The following SELENOH variants were observed in gnomAD, a reference collection of about 807,000 sequenced individuals.
The protein encoded by SELENOH is chromosome 11 open reading frame 31.
A neutral mutation model predicts 11.9 loss-of-function variants in SELENOH; 13 were observed. That is an observed-to-expected ratio of 1.09 (90% CI 0.71 to 1.74). SELENOH has a LOEUF of 1.74. Ranked by LOEUF, SELENOH falls within the 40% of genes most tolerant of loss-of-function variation. The pLI, the probability that SELENOH is intolerant of heterozygous loss-of-function variation, is 0.00. For synonymous variants in SELENOH, 96 were observed against 73.5 expected (o/e 1.31, Z -1.56); for missense variants, 223 against 170.3 (o/e 1.31, Z -1.72).
chr11:57,742,563 G>T lies in SELENOH; in HGVS notation c.*31-300G>T, dbSNP rs369985320. The T allele has an allele frequency of 3.1e-5, 10 of 318,128 alleles. No homozygotes were observed. In the East Asian group the frequency reaches 6.1e-4, roughly 19 times the overall value. The allele number at this position is 318,128 out of a possible 1,614,324, so 19.7% of individuals were successfully genotyped here. On this transcript the variant is annotated intron_variant, in intron 3 of 3. Coordinates refer to ENST00000534355, the MANE Select transcript of SELENOH (RefSeq NM_170746.4). ...GTTTATTTCATGTTACTTCATTTAT[G>T]CTTATCCCTACCCTCTTCTGTTTGG...
Position 57,741,521 on chromosome 11 carries a change from A to T in SELENOH, c.-75A>T. The T allele has an allele frequency of 8.4e-7, 1 of 1,184,844 alleles. No homozygotes were observed. Among genetic ancestry groups the T allele is most frequent in the Non-Finnish European group, 1.1e-6 (1 of 939,862 alleles). 73.4% of individuals were successfully genotyped at this position (1,184,844 alleles called of 1,614,324 possible). A position where few individuals can be genotyped will look rare whatever the true frequency, so the allele number is the denominator to read the frequency against. On this transcript the variant is annotated 5_prime_UTR_variant, in exon 1 of 4. Transcript: ENST00000534355. Reference sequence around the variant, plus strand: ...TTCCGGGCTGCGCTCTTCGTTGCCCAGTTTCCGCTCAGTGGTCGCGTCTCC... The same window carrying T: ...TTCCGGGCTGCGCTCTTCGTTGCCCTGTTTCCGCTCAGTGGTCGCGTCTCC...
rs745825356 is a variant in SELENOH, at chr11:57,742,163, C to G, written c.315C>G (p.Leu105=). The G allele has an allele frequency of 1.2e-6, 2 of 1,612,298 alleles. No individual in the cohort carries two copies. Among genetic ancestry groups the G allele is most frequent in the Non-Finnish European group, 1.7e-6 (2 of 1,179,260 alleles). ...TGIKKGPPRK[L]KFPEPQEVVE... ...TTAAGAAGGGGCCCCCACGCAAACT[C>G]AAATTCCCTGAGCCTCAAGAGGTGG... The change falls in exon 3 of 4, where the codon CTC becomes CTG. Residue 105 remains leucine, a synonymous_variant. Transcript: ENST00000534355.
intron 3 of SELENOH, 126 bp downstream of exon 3, chr11:57,742,373 G>A: frequency 1.5e-6 from 1 of 680,820 alleles, no homozygotes; most frequent in Non-Finnish European, 2.5e-6. Flanking sequence ...CTGGGAGGTC[G>A]AGGCAGGAGT....
Position 57,741,790 on chromosome 11 carries a change from C to T in SELENOH, c.123-19C>T, listed in dbSNP as rs764203025. ...GGGGGCCAGGGGCCCCGGTTTCTAA[C>T]CTCTCCGTCTCTCCCTAGCACTAGC... On this transcript the variant is annotated intron_variant, in intron 1 of 3. Coordinates refer to ENST00000534355, the MANE Select transcript of SELENOH (RefSeq NM_170746.4). 14 of 1,603,618 alleles carry T rather than the reference C, an allele frequency of 8.7e-6. No individual in the cohort carries two copies. Among genetic ancestry groups the T allele is most frequent in the East Asian group, 2.2e-5 (1 of 44,490 alleles).
Position 57,741,770 on chromosome 11 carries a change from C to G in SELENOH, c.123-39C>G, listed in dbSNP as rs550979949. 4.9e-5 allele frequency: 78 copies of G among 1,599,428 alleles called. No homozygotes were observed. In the South Asian group the frequency reaches 6.1e-4, roughly 12 times the overall value. ...GAGGGAACAGTGGCGCCGGGGGGGG[C>G]CAGGGGCCCCGGTTTCTAACCTCTC... On this transcript the variant is annotated intron_variant, in intron 1 of 3. Coordinates refer to ENST00000534355, the MANE Select transcript of SELENOH (RefSeq NM_170746.4).
At chr11:57,741,982 A>C in intron 2 of SELENOH, 28 bp downstream of exon 2, 1 of 1,579,100 alleles carries the variant, frequency 6.3e-7, no homozygotes, top group Non-Finnish European at 8.6e-7. Context: ...TGTGGGGGAG[A>C]GGGACGTGGG....
At position 57,742,155 on chromosome 11, in the gene SELENOH, C is replaced by T. The variant is rs753722142; in HGVS notation, c.307C>T (p.Arg103Cys). The T allele has an allele frequency of 3.1e-6, 5 of 1,612,182 alleles. No homozygotes were observed. Among genetic ancestry groups the T allele is most frequent in the East Asian group, 2.2e-5 (1 of 44,848 alleles). ...GACTGGGATTAAGAAGGGGCCCCCA[C>T]GCAAACTCAAATTCCCTGAGCCTCA... ...LWTGIKKGPP[R>C]KLKFPEPQEV... Residue 103 changes from arginine to cysteine, a missense_variant, in exon 3 of 4, where the codon CGC becomes TGC. Transcript: ENST00000534355.
chr11:57,741,882 C>A lies in SELENOH; in HGVS notation c.196C>A (p.Pro66Thr). 1 of 1,596,704 alleles carries A rather than the reference C, an allele frequency of 6.3e-7. No individual in the cohort carries two copies. The highest frequency in any genetic ancestry group is 2.2e-5 in the East Asian group (1 of 44,652). ...GCTGCGCCTGGAGGCCCCAGAGCTTCCAGTAAAGGTGAACCCGACGAAGCC... is the reference window on the plus strand; with the variant it reads ...GCTGCGCCTGGAGGCCCCAGAGCTTACAGTAAAGGTGAACCCGACGAAGCC... Reference protein sequence around the residue: ...QALRLEAPELPVKVNPTKPRR... With the variant: ...QALRLEAPELTVKVNPTKPRR... The change falls in exon 2 of 4, where the codon CCA becomes ACA. Residue 66 changes from proline (P) to threonine (T), a missense_variant. Coordinates refer to ENST00000534355, the MANE Select transcript of SELENOH (RefSeq NM_170746.4).
Position 57,742,518 on chromosome 11 carries a change from G to A in SELENOH, c.*30+271G>A, listed in dbSNP as rs537907372. The A allele has an allele frequency of 1.9e-5, 7 of 377,666 alleles. No homozygotes were observed. In the South Asian group the frequency reaches 2.3e-4, roughly 12 times the overall value. The allele number at this position is 377,666 out of a possible 1,614,324, so 23.4% of individuals were successfully genotyped here. On this transcript the variant is annotated intron_variant, in intron 3 of 3. Transcript: ENST00000534355. ...GTAGTTGACTTGCCCTGGGGGTATG[G>A]ACAAGTTTTCCATTTGGAAGTTTAT...
At chr11:57,742,491 C>T (rs991363993) in intron 3 of SELENOH, 1 of 439,274 alleles carries the variant, frequency 2.3e-6, no homozygotes, top group African/African-American at 2.0e-5. Context: ...CTTTGGGAGA[C>T]TGTAGTTGAC....
In SELENOH at chr11:57,741,946, A is replaced by G. The variant is rs780122357; in HGVS notation, c.260A>G (p.Asp87Gly). 1 of 1,587,580 alleles carries G rather than the reference A, an allele frequency of 6.3e-7. No individual in the cohort carries two copies. Among genetic ancestry groups the G allele is most frequent in the South Asian group, 1.1e-5 (1 of 87,358 alleles). ...TTCGAGGTGACGCTGCTGCGCCCGG[A>G]CGGCAGCAGTAAGTGGGGACCTGGA... ...GSFEVTLLRP[D>G]GSSAELWTGI... Residue 87 changes from aspartate (D) to glycine (G), a missense_variant, in exon 2 of 4, where the codon GAC becomes GGC. Physicochemically the swap from Asp to Gly is moderately conservative, Grantham distance 94. Transcript: ENST00000534355.
At chr11:57,742,096 C>T in intron 2 of SELENOH, 21 bp from the exon 3 acceptor site, 2 of 1,603,556 alleles carry the variant, frequency 1.2e-6, no homozygotes, top group Non-Finnish European at 1.7e-6. Flanking sequence ...ATTGTAACTT[C>T]GCTTCATTCT....
In SELENOH at chr11:57,741,645, T is replaced by C. The variant is rs765394503; in HGVS notation, c.50T>C (p.Val17Ala). Residue 17 changes from valine (V) to alanine (A), a missense_variant, in exon 1 of 4, where the codon GTA becomes GCA. Val to Ala is a moderately conservative substitution (Grantham distance 64). Coordinates refer to ENST00000534355, the MANE Select transcript of SELENOH (RefSeq NM_170746.4). Reference protein sequence around the residue: ...KRKAEAAVVAVAEKREKLANG... With the variant: ...KRKAEAAVVAAAEKREKLANG... Reference sequence around the variant, plus strand: ...AAGGCTGAGGCCGCGGTGGTCGCCGTAGCCGAGAAGCGAGAGAAGCTGGCG... The same window carrying C: ...AAGGCTGAGGCCGCGGTGGTCGCCGCAGCCGAGAAGCGAGAGAAGCTGGCG... 7.2e-7 allele frequency: 1 copy of C among 1,389,750 alleles called. No homozygotes were observed. Among genetic ancestry groups the C allele is most frequent in the Non-Finnish European group, 9.4e-7 (1 of 1,067,146 alleles). The allele number at this position is 1,389,750 out of a possible 1,614,324, so 86.1% of individuals were successfully genotyped here.
chr11:57,741,610 G>A lies in SELENOH; in HGVS notation c.15G>A (p.Gly5=). Residue 5 remains glycine (G), a synonymous_variant, in exon 1 of 4, where the codon GGG becomes GGA. Transcript: ENST00000534355. MAPR[G]RKRKAEAAVV... is the part of the protein sequence containing the mutation. ...CTCTAGGCGCCATGGCTCCCCGCGGGAGGAAGCGTAAGGCTGAGGCCGCGG... is the reference window on the plus strand; with the variant it reads ...CTCTAGGCGCCATGGCTCCCCGCGGAAGGAAGCGTAAGGCTGAGGCCGCGG... The A allele has an allele frequency of 7.8e-7, 1 of 1,275,788 alleles. No homozygotes were observed. The highest frequency in any genetic ancestry group is 3.0e-5 in the East Asian group (1 of 33,368). The allele number at this position is 1,275,788 out of a possible 1,614,324, so 79.0% of individuals were successfully genotyped here. A position where few individuals can be genotyped will look rare whatever the true frequency, so the allele number is the denominator to read the frequency against.
At position 57,742,995 on chromosome 11, in the gene SELENOH, G is replaced by C. The variant is rs1379988608; in HGVS notation, c.*163G>C. The C allele has an allele frequency of 6.6e-6, 1 of 152,576 alleles. No individual in the cohort carries two copies. Among genetic ancestry groups the C allele is most frequent in the African/African-American group, 2.4e-5 (1 of 41,404 alleles). 9.5% of individuals were successfully genotyped at this position (152,576 alleles called of 1,614,324 possible). A position where few individuals can be genotyped will look rare whatever the true frequency, so the allele number is the denominator to read the frequency against. On this transcript the variant is annotated 3_prime_UTR_variant, in exon 4 of 4. Transcript: ENST00000534355. ...TGAGGCAACCCTCTAGTAAGGCATT[G>C]TAAAAGTTACTGGATTTGGTTTAAT...
At position 57,743,061 on chromosome 11, in the gene SELENOH, A is replaced by C. The variant is rs1376601762; in HGVS notation, c.*229A>C. The stretch of plus-strand genomic sequence containing the variant: ...GTATTTGAGTAATAGAGTAAAACTT[A>C]ATCTTAAGGGATGGACAAAGCCAGC... On this transcript the variant is annotated 3_prime_UTR_variant, in exon 4 of 4. Transcript: ENST00000534355. The C allele has an allele frequency of 6.6e-6, 1 of 152,642 alleles. No homozygotes were observed. The highest frequency in any genetic ancestry group is 2.4e-5 in the African/African-American group (1 of 41,446). The allele number at this position is 152,642 out of a possible 1,614,324, so 9.5% of individuals were successfully genotyped here.
chr11:57,741,806 T>C lies in SELENOH; in HGVS notation c.123-3T>C. On this transcript the variant is annotated splice_region_variant and splice_polypyrimidine_tract_variant and intron_variant, in intron 1 of 3. Transcript: ENST00000534355. Reference sequence around the variant, plus strand: ...GGTTTCTAACCTCTCCGTCTCTCCCTAGCACTAGCTGACGCGTCTATGGGC... The same window carrying C: ...GGTTTCTAACCTCTCCGTCTCTCCCCAGCACTAGCTGACGCGTCTATGGGC... 1.2e-6 allele frequency: 2 copies of C among 1,605,456 alleles called. No individual in the cohort carries two copies. The highest frequency in any genetic ancestry group is 1.3e-5 in the African/African-American group (1 of 74,876).
chr11:57,743,370 GCTGGTCTCAAACTC>G lies in SELENOH; in HGVS notation c.*542_*555del, dbSNP rs1028060150. The G allele has an allele frequency of 2.0e-5, 3 of 151,912 alleles. No homozygotes were observed. Among genetic ancestry groups the G allele is most frequent in the African/African-American group, 7.3e-5 (3 of 41,332 alleles). The allele number at this position is 151,912 out of a possible 1,614,324, so 9.4% of individuals were successfully genotyped here. On this transcript the variant is annotated 3_prime_UTR_variant, in exon 4 of 4. Coordinates refer to ENST00000534355, the MANE Select transcript of SELENOH (RefSeq NM_170746.4). ...GGCGGGGTTTCACCATGTTGGCCAG[GCTGGTCTCAAACTC>G]CTGACCTCAAGTGATATGCCTGCCT...
In SELENOH at chr11:57,741,578, G is replaced by C. The variant is rs760640039; in HGVS notation, c.-18G>C. The C allele has an allele frequency of 2.7e-5, 34 of 1,258,094 alleles. 1 individual carries two copies. Among genetic ancestry groups the C allele is most frequent in the African/African-American group, 7.7e-5 (5 of 64,754 alleles). 77.9% of individuals were successfully genotyped at this position (1,258,094 alleles called of 1,614,324 possible). On this transcript the variant is annotated 5_prime_UTR_variant, in exon 1 of 4. Coordinates refer to ENST00000534355, the MANE Select transcript of SELENOH (RefSeq NM_170746.4). ...CACCCACCAGTCCCGCTGCATTCTC[G>C]GCCGGGCTCTAGGCGCCATGGCTCC...
Sources: allele counts gnomAD v4.1 joint callset, GRCh38; gene constraint gnomAD v4.1.1; transcripts MANE v1.5; gene names NCBI Gene and HGNC (gene_info 2026-07-23, HGNC 2026-07-21).